The following BLTP3B variants were observed in gnomAD, a reference collection of about 807,000 sequenced individuals.
BLTP3B encodes UHRF1 (ICBP90) binding protein 1-like.
chr12:100,127,617 C>T, the BLTP3B span, among the ~76,000 whole-genome samples: 1 of 152,126 alleles, frequency 6.6e-6, no homozygotes, highest in African/African-American at 2.4e-5. Flanking sequence ...GCACCATTTC[C>T]AATAACCTGG....
At chr12:100,041,421 T>C in the BLTP3B span, among the ~76,000 whole-genome samples, 9 of 150,324 alleles carry the variant, frequency 6.0e-5, 1 homozygote, top group Non-Finnish European at 8.9e-5. Context: ...GGCTGTCTGC[T>C]ATTGTTACTT....
chr12:100,059,532 A>C, the BLTP3B span: 2 of 1,575,366 alleles, frequency 1.3e-6, no homozygotes. Context: ...AGGAATGACA[A>C]ACTAGAAGAG....
chr12:100,056,688 A>T, the BLTP3B span, among the ~76,000 whole-genome samples: 1 of 151,586 alleles, frequency 6.6e-6, no homozygotes, highest in African/African-American at 2.4e-5. Flanking sequence ...AAATACAAAA[A>T]TTAGCCAGGC....
At chr12:100,038,131 C>A in the BLTP3B span, among the ~76,000 whole-genome samples, 2 of 152,098 alleles carry the variant, frequency 1.3e-5, no homozygotes, top group African/African-American at 2.4e-5. Flanking sequence ...CCATTTCAAC[C>A]TATGTATGCC....
chr12:100,091,345 G>A, the BLTP3B span, among the ~76,000 whole-genome samples: 7 of 150,696 alleles, frequency 4.6e-5, no homozygotes, highest in South Asian at 1.1e-3. Flanking sequence ...CCGCCACCAC[G>A]CCCAGCTAAT....
the BLTP3B span, among the ~76,000 whole-genome samples, chr12:100,137,827 T>C: frequency 3.7e-4 from 56 of 152,292 alleles, no homozygotes; most frequent in African/African-American, 1.3e-3. Flanking sequence ...TTTAGTGCAC[T>C]GCCTATTACA....
chr12:100,089,041 C>T, the BLTP3B span: 3 of 1,609,164 alleles, frequency 1.9e-6, no homozygotes, highest in South Asian at 3.3e-5. Context: ...ACATCAGGAG[C>T]ATTTGAAGTT....
chr12:100,122,414 T>C, the BLTP3B span, among the ~76,000 whole-genome samples: 11 of 152,202 alleles, frequency 7.2e-5, no homozygotes, highest in Non-Finnish European at 1.6e-4. Context: ...CTGTACAATT[T>C]TAGTTTAAGA....
the BLTP3B span, among the ~76,000 whole-genome samples, chr12:100,118,706 C>T: frequency 1.1e-4 from 16 of 152,058 alleles, no homozygotes; most frequent in Non-Finnish European, 1.5e-5. Context: ...TTCTATAAAT[C>T]CATAACTATT....
the BLTP3B span, among the ~76,000 whole-genome samples, chr12:100,080,041 A>C: frequency 4.6e-5 from 7 of 152,210 alleles, no homozygotes; most frequent in Non-Finnish European, 8.8e-5. Flanking sequence ...AAATGCCTGG[A>C]TGCCCAGGCA....
the BLTP3B span, chr12:100,059,935 T>TTA: frequency 6.2e-7 from 1 of 1,613,132 alleles, no homozygotes; most frequent in African/African-American, 1.3e-5. Flanking sequence ...CATGAACTGA[T>TTA]TAAGACTCTG....
the BLTP3B span, among the ~76,000 whole-genome samples, chr12:100,070,603 T>G: frequency 1.3e-5 from 2 of 152,228 alleles, no homozygotes; most frequent in African/African-American, 2.4e-5. Flanking sequence ...ATAAAACAGA[T>G]AGACAGCCTT....
chr12:100,140,729 A>AAAAATAT, the BLTP3B span, among the ~76,000 whole-genome samples: 24 of 61,472 alleles, frequency 3.9e-4, no homozygotes, highest in East Asian at 1.4e-3. Context: ...AAAAAAAAAA[A>AAAAATAT]ATATATATAT....
the BLTP3B span, among the ~76,000 whole-genome samples, chr12:100,130,961 TAGAGAGAGAGAGAGAGGGAGGGAGAGAG>T: frequency 1.6e-3 from 152 of 93,608 alleles, 3 homozygotes; most frequent in East Asian, 0.031. Flanking sequence ...TATATATATA[TAGAGAGAGAGAGAGAGGGAGGGAGAGAG>T]AGAGAGAGAG....
chr12:100,070,292 T>TG, the BLTP3B span: 2 of 1,111,958 alleles, frequency 1.8e-6, no homozygotes, highest in Non-Finnish European at 2.3e-6. Context: ...ATTAATTAAT[T>TG]TTTTTTTTTT....
the BLTP3B span, chr12:100,050,991 T>A: frequency 6.5e-7 from 1 of 1,531,278 alleles, no homozygotes; most frequent in South Asian, 1.2e-5. Context: ...TCATTTTATA[T>A]ATGAATGTCT....
the BLTP3B span, chr12:100,083,266 C>T: frequency 3.3e-6 from 2 of 609,322 alleles, no homozygotes; most frequent in South Asian, 4.6e-5. Context: ...TGTGGACATA[C>T]TTTATAAATT....
chr12:100,092,314 G>A, the BLTP3B span, among the ~76,000 whole-genome samples: 2 of 152,184 alleles, frequency 1.3e-5, no homozygotes, highest in African/African-American at 2.4e-5. Context: ...CTGAAGTAGT[G>A]ACATGATAAC....
chr12:100,062,574 AG>A, the BLTP3B span, among the ~76,000 whole-genome samples: 499 of 151,416 alleles, frequency 3.3e-3, 2 homozygotes, highest in African/African-American at 0.012. Context: ...TTAAAATGCA[AG>A]GAAGGAATTT....
Sources: allele counts gnomAD v4.1 joint callset (sites outside exome capture counted in the v4.1 genomes callset), GRCh38; gene constraint gnomAD v4.1.1; transcripts MANE v1.5; gene names NCBI Gene and HGNC (gene_info 2026-07-23, HGNC 2026-07-21).